The following LRRK1 variants were observed in gnomAD, a reference collection of about 807,000 sequenced individuals.
LRRK1 encodes the protein leucine-rich repeat serine/threonine-protein kinase 1.
Under a neutral mutation model 209.1 loss-of-function variants are expected in LRRK1, and 113 were observed. That is an observed-to-expected ratio of 0.54 (90% CI 0.46 to 0.63). The LOEUF (loss-of-function observed/expected upper bound fraction) is 0.63. LRRK1 is among the 30% of genes least tolerant of loss of function. LRRK1 has a pLI of 0.00. For synonymous variants in LRRK1, 1,144 were observed against 1,099.7 expected (o/e 1.04, Z -0.80); for missense variants, 2,284 against 2,632.2 (o/e 0.87, Z 2.89).
intron 30 of LRRK1, 165 bp from the exon 31 acceptor site, chr15:101,062,409 A>G (rs2036240399): frequency 3.4e-6 from 2 of 584,604 alleles, no homozygotes; most frequent in Admixed American, 3.0e-5. Flanking sequence ...ACGTTTCTAC[A>G]AAGAGCAGAA....
intron 29 of LRRK1, 82 bp from the exon 30 acceptor site, chr15:101,061,089 T>A: frequency 9.6e-7 from 1 of 1,041,330 alleles, no homozygotes; most frequent in Non-Finnish European, 1.5e-6. Context: ...TAGACGAGGC[T>A]CGCAGCTGGC....
intron 6 of LRRK1, among the ~76,000 whole-genome samples, chr15:100,997,179 A>T (rs1480758539): frequency 6.6e-6 from 1 of 152,198 alleles, no homozygotes; most frequent in African/African-American, 2.4e-5. Context: ...ATTTCTAAAC[A>T]TATATGAAGA....
In LRRK1 at chr15:101,022,215, C is replaced by T; in HGVS notation, c.1853-168C>T. ...ATAGGTTCTTGCCTCTTAGAGTTCG[C>T]TTTTAGGGTGGTTAGTGTCATGCCT... is the stretch of plus-strand genomic sequence containing the variant. On this transcript the variant is annotated intron_variant, in intron 14 of 33. Transcript: ENST00000388948. The surrounding 1 kb of genome is among the most constrained non-coding windows in gnomAD (Gnocchi z 4.0). The T allele has an allele frequency of 1.4e-6, 1 of 712,048 alleles. No individual in the cohort carries two copies. The highest frequency in any genetic ancestry group is 1.8e-5 in the South Asian group (1 of 54,166). 44.1% of individuals were successfully genotyped at this position (712,048 alleles called of 1,614,324 possible). A position where few individuals can be genotyped will look rare whatever the true frequency, so the allele number is the denominator to read the frequency against.
intron 29 of LRRK1, among the ~76,000 whole-genome samples, chr15:101,060,316 C>T (rs890752786): frequency 7.2e-5 from 11 of 151,848 alleles, no homozygotes; most frequent in Admixed American, 1.3e-4. Context: ...TTCTTTATGA[C>T]TCTCTATATT....
chr15:100,968,970 A>G (rs1188659284), intron 2 of LRRK1, among the ~76,000 whole-genome samples: 1 of 152,042 alleles, frequency 6.6e-6, no homozygotes, highest in Non-Finnish European at 1.5e-5. Flanking sequence ...CTTCCTGAGT[A>G]GCTGGGACTA....
chr15:101,056,268 C>T (rs1396271559), intron 27 of LRRK1, among the ~76,000 whole-genome samples: 2 of 152,088 alleles, frequency 1.3e-5, no homozygotes, highest in African/African-American at 4.8e-5. Context: ...TTATGAGTTG[C>T]AATACATAAC....
chr15:101,055,530 G>C (rs1451746929), intron 27 of LRRK1, among the ~76,000 whole-genome samples: 1 of 152,124 alleles, frequency 6.6e-6, no homozygotes, highest in African/African-American at 2.4e-5. Flanking sequence ...TCTGGATTTG[G>C]GCTCCAACTC....
chr15:100,947,619 C>T (rs1287748040), intron 2 of LRRK1, among the ~76,000 whole-genome samples: 1 of 152,174 alleles, frequency 6.6e-6, no homozygotes, highest in Non-Finnish European at 1.5e-5. Context: ...CCTTCCGCTG[C>T]TGGAGATTTT....
chr15:100,945,482 C>CTT (rs34038990), intron 2 of LRRK1, among the ~76,000 whole-genome samples: 860 of 63,576 alleles, frequency 0.014, 140 homozygotes, highest in Non-Finnish European at 0.019. Flanking sequence ...TGCAGAGCCT[C>CTT]TTTTTTTTTT....
intron 31 of LRRK1, among the ~76,000 whole-genome samples, chr15:101,063,290 A>G (rs2036300909): frequency 6.6e-6 from 1 of 152,132 alleles, no homozygotes; most frequent in African/African-American, 2.4e-5. Flanking sequence ...CCCAGCCTCT[A>G]TGAGGCTGGC....
chr15:101,066,684 G>A lies in LRRK1; in HGVS notation c.5813G>A (p.Gly1938Asp), dbSNP rs2924835. The change falls in exon 33 of 34, where the codon GGC becomes GAC. Residue 1938 changes from glycine (G) to aspartate (D), a missense_variant. Coordinates refer to ENST00000388948, the MANE Select transcript of LRRK1 (RefSeq NM_024652.6). ...VIVIGLEKDS[G>D]AQRGRVIAVL... ...GTCATTGGCCTGGAGAAGGATTCTG[G>A]CGCCCAGCGGGGCCGAGTCATTGCC... 488,915 of 1,612,632 alleles carry A rather than the reference G, an allele frequency of 0.3. 76,059 individuals are homozygous for A. Among genetic ancestry groups the A allele is most frequent in the Middle Eastern group, 0.37 (2,242 of 6,054 alleles).
chr15:100,950,171 G>T (rs1045017336), intron 2 of LRRK1, among the ~76,000 whole-genome samples: 4 of 152,174 alleles, frequency 2.6e-5, no homozygotes, highest in African/African-American at 9.7e-5. Flanking sequence ...AGATCAAAAT[G>T]TAAAAATCAA....
At chr15:100,970,743 G>T (rs930856370) in intron 2 of LRRK1, among the ~76,000 whole-genome samples, 2 of 152,124 alleles carry the variant, frequency 1.3e-5, no homozygotes, top group Admixed American at 6.5e-5. Flanking sequence ...TCATAGTTGG[G>T]ATTATTGAAT....
chr15:100,986,498 A>G (rs2031879887), intron 4 of LRRK1, among the ~76,000 whole-genome samples: 1 of 152,228 alleles, frequency 6.6e-6, no homozygotes, highest in African/African-American at 2.4e-5. Context: ...TTTCCCTGCC[A>G]GGTGTGTCCC....
chr15:101,059,051 A>T (rs2035996764), intron 29 of LRRK1, among the ~76,000 whole-genome samples: 1 of 152,120 alleles, frequency 6.6e-6, no homozygotes, highest in Non-Finnish European at 1.5e-5. Context: ...TGCCACTCGG[A>T]CTGAGGGTTG....
At chr15:101,058,238 A>C in intron 29 of LRRK1, 97 bp downstream of exon 29, 1 of 1,281,526 alleles carries the variant, frequency 7.8e-7, no homozygotes. Flanking sequence ...AGTGAGAATT[A>C]TTTAGCAGAC....
At chr15:101,003,069 C>T (rs8027148) in intron 6 of LRRK1, among the ~76,000 whole-genome samples, 204 of 152,300 alleles carry the variant, frequency 1.3e-3, no homozygotes, top group Non-Finnish European at 2.4e-3. Flanking sequence ...TTTCTAGTTT[C>T]TCTCTGCCAC....
intron 7 of LRRK1, among the ~76,000 whole-genome samples, chr15:101,009,606 T>C (rs1371032329): frequency 6.6e-6 from 1 of 152,216 alleles, no homozygotes; most frequent in East Asian, 1.9e-4. Flanking sequence ...TTATTTTTTT[T>C]GAGACGGAGT....
intron 1 of LRRK1, among the ~76,000 whole-genome samples, chr15:100,924,186 C>T (rs933576513): frequency 1.3e-5 from 2 of 152,210 alleles, no homozygotes; most frequent in African/African-American, 4.8e-5. Flanking sequence ...TGCCACTGAG[C>T]CTCACACAGA....
Sources: allele counts gnomAD v4.1 joint callset (sites outside exome capture counted in the v4.1 genomes callset), GRCh38; gene constraint gnomAD v4.1.1; non-coding constraint Gnocchi (gnomAD v3.1); transcripts MANE v1.5; gene names NCBI Gene and HGNC (gene_info 2026-07-23, HGNC 2026-07-21).